Variants in UTP6 observed in about 807,000 individuals in gnomAD.
The protein encoded by UTP6 is U3 small nucleolar RNA-associated protein 6 homolog.
In UTP6, 60 loss-of-function variants were observed where a neutral mutation model predicts 96.5. That is an observed-to-expected ratio of 0.62 (90% CI 0.51 to 0.77). UTP6 has a LOEUF of 0.77. Ranked by LOEUF, UTP6 falls within the 30% of genes least tolerant of loss-of-function variation. The probability of loss-of-function intolerance (pLI) is 0.00; values close to 1 mark genes in which losing one functional copy is unlikely to be tolerated. For missense variants in UTP6, 637 were observed against 706.5 expected (o/e 0.90, Z 1.12); for synonymous variants, 215 against 240.1 (o/e 0.90, Z 0.96).
intron 11 of UTP6, chr17:31,880,222 C>G: frequency 4.0e-6 from 1 of 248,506 alleles, no homozygotes; most frequent in South Asian, 5.3e-5. Context: ...GAGTTCGAGA[C>G]CAGTCTGGGC....
At chr17:31,874,115 G>T in intron 14 of UTP6, 1 of 220,948 alleles carries the variant, frequency 4.5e-6, no homozygotes, top group Non-Finnish European at 8.8e-6. Flanking sequence ...TTTTAGTTAA[G>T]TAAGTAATTA....
At chr17:31,863,610 T>A in intron 18 of UTP6, 94 bp from the exon 19 acceptor site, 1 of 1,083,964 alleles carries the variant, frequency 9.2e-7, no homozygotes. Flanking sequence ...CTAAGAAACT[T>A]AACTTCTCAT....
rs1287759986 is a variant in UTP6 at position 31,865,452 on chromosome 17, A to G, written c.1564-14T>C. 1 of 1,612,204 alleles carries G rather than the reference A, an allele frequency of 6.2e-7. No homozygotes were observed. Among genetic ancestry groups the G allele is most frequent in the Admixed American group, 1.7e-5 (1 of 60,006 alleles). The stretch of plus-strand genomic sequence containing the variant: ...ATTGCAGGATTCCTGACAAAGATAG[A>G]CAATCTTGTCTCAAAAGCCTGATTT... On this transcript the variant is annotated splice_polypyrimidine_tract_variant and intron_variant, in intron 17 of 18. Coordinates refer to ENST00000261708, the MANE Select transcript of UTP6 (RefSeq NM_018428.3).
intron 2 of UTP6, 27 bp downstream of exon 2, chr17:31,899,619 G>A (rs942040719): frequency 6.5e-7 from 1 of 1,538,172 alleles, no homozygotes; most frequent in South Asian, 1.2e-5. Context: ...AAGAAAAAAA[G>A]AAAGAAATTA....
At chr17:31,875,980 C>T (rs762825466) in intron 13 of UTP6, among the ~76,000 whole-genome samples, 8 of 152,028 alleles carry the variant, frequency 5.3e-5, no homozygotes, top group African/African-American at 9.7e-5. Context: ...ACAGGGAAGA[C>T]GTAAAAACCA....
rs754180295 is a variant in UTP6 at position 31,873,402 on chromosome 17, T to C, written c.1472A>G (p.Lys491Arg). 2 of 1,614,226 alleles carry C rather than the reference T, an allele frequency of 1.2e-6. No individual in the cohort carries two copies. The highest frequency in any genetic ancestry group is 2.2e-5 in the South Asian group (2 of 91,088). Residue 491 changes from lysine to arginine, a missense_variant, in exon 16 of 19, where the codon AAA becomes AGA. Physicochemically the swap from Lys to Arg is conservative, Grantham distance 26. Coordinates refer to ENST00000261708, the MANE Select transcript of UTP6 (RefSeq NM_018428.3). ...LDWAYRSGGY[K>R]KARAVFKSLQ... ...CCTTTTAAACACAGCTCTGGCCTTT[T>C]TGTAGCCACCACTTCGATAAGCCCA...
At chr17:31,868,317 G>GT (rs1236236296) in intron 16 of UTP6, among the ~76,000 whole-genome samples, 1 of 86,058 alleles carries the variant, frequency 1.2e-5, no homozygotes, top group Non-Finnish European at 2.4e-5. Flanking sequence ...CCAGTTCTTA[G>GT]TTTTTTGGTT....
intron 16 of UTP6, among the ~76,000 whole-genome samples, chr17:31,871,612 C>T (rs544158068): frequency 7.4e-4 from 112 of 152,080 alleles, no homozygotes; most frequent in African/African-American, 2.6e-3. Context: ...AGCGGGGCAT[C>T]GCCAGGCATG....
At position 31,875,402 on chromosome 17, in the gene UTP6, C is replaced by G; in HGVS notation, c.1137G>C (p.Leu379Phe). ...ECQYKQLSVS[L>F]LCYNFLREAL... ...CTTCCCTCAGGAAGTTATAACACAG[C>G]AACGAAACACTCTAGACAAGATGAA... The change falls in exon 14 of 19, where the codon TTG (leucine) becomes TTC (phenylalanine). Residue 379 changes from leucine (L) to phenylalanine (F), a missense_variant. Coordinates refer to ENST00000261708, the MANE Select transcript of UTP6 (RefSeq NM_018428.3). 1 of 1,613,926 alleles carries G rather than the reference C, an allele frequency of 6.2e-7. No individual in the cohort carries two copies. Among genetic ancestry groups the G allele is most frequent in the Non-Finnish European group, 8.5e-7 (1 of 1,179,934 alleles).
At chr17:31,896,284 A>T (rs147433848) in intron 2 of UTP6, among the ~76,000 whole-genome samples, 30 of 151,602 alleles carry the variant, frequency 2.0e-4, no homozygotes, top group African/African-American at 7.0e-4. Context: ...CACCATGTTG[A>T]CCAGGCTGAT....
At chr17:31,885,466 GA>G (rs1170520385) in intron 9 of UTP6, among the ~76,000 whole-genome samples, 3 of 149,358 alleles carry the variant, frequency 2.0e-5, no homozygotes, top group Non-Finnish European at 3.0e-5. Context: ...AAATTTAAGG[GA>G]AAAAAATGGG....
intron 14 of UTP6, among the ~76,000 whole-genome samples, chr17:31,874,608 G>T (rs1046922624): frequency 1.3e-5 from 2 of 151,600 alleles, no homozygotes; most frequent in African/African-American, 2.4e-5. Context: ...TCTGGAATAC[G>T]TTTTACCTAC....
chr17:31,875,157 G>A, intron 14 of UTP6, 77 bp downstream of exon 14: 2 of 1,555,426 alleles, frequency 1.3e-6, no homozygotes, highest in Admixed American at 1.8e-5. Context: ...CAATAGACAA[G>A]TACATTCCAA....
At chr17:31,874,608 G>A (rs1046922624) in intron 14 of UTP6, among the ~76,000 whole-genome samples, 2 of 151,600 alleles carry the variant, frequency 1.3e-5, no homozygotes, top group South Asian at 2.1e-4. Flanking sequence ...TCTGGAATAC[G>A]TTTTACCTAC....
chr17:31,862,449 G>T lies in UTP6; in HGVS notation c.*910C>A, dbSNP rs1909591002. 6.6e-6 allele frequency: 1 copy of T among 152,150 alleles called. No homozygotes were observed. Among genetic ancestry groups the T allele is most frequent in the Non-Finnish European group, 1.5e-5 (1 of 68,032 alleles). The allele number at this position is 152,150 out of a possible 1,614,324, so 9.4% of individuals were successfully genotyped here. On this transcript the variant is annotated 3_prime_UTR_variant, in exon 19 of 19. Coordinates refer to ENST00000261708, the MANE Select transcript of UTP6 (RefSeq NM_018428.3). ...AACGTAACAATAAGCTACACTGAAA[G>T]CTTCTCCCAGTGACAGGATGCTTTT...
chr17:31,877,196 T>C (rs963067269), intron 13 of UTP6, among the ~76,000 whole-genome samples: 1 of 152,152 alleles, frequency 6.6e-6, no homozygotes, highest in Non-Finnish European at 1.5e-5. Context: ...AATTTGGGAC[T>C]TCTACATTAA....
rs1350428280 is a variant in UTP6, at chr17:31,894,587, AATATGT to A, written c.312+52_312+57del. The A allele has an allele frequency of 6.3e-5, 76 of 1,200,414 alleles. 1 individual carries two copies. Among genetic ancestry groups the A allele is most frequent in the Admixed American group, 6.2e-4 (29 of 46,708 alleles). 74.4% of individuals were successfully genotyped at this position (1,200,414 alleles called of 1,614,324 possible). Reference sequence around the variant, plus strand: ...AAAACTGCATTTGAATCCCTAATACAATATGTATAATACTTATCTTCACATCTCATA... The same window carrying A: ...AAAACTGCATTTGAATCCCTAATACAATAATACTTATCTTCACATCTCATA... On this transcript the variant is annotated intron_variant, in intron 4 of 18. Coordinates refer to ENST00000261708, the MANE Select transcript of UTP6 (RefSeq NM_018428.3).
At chr17:31,865,324 T>C in intron 18 of UTP6, 42 bp downstream of exon 18, 1 of 1,598,772 alleles carries the variant, frequency 6.3e-7, no homozygotes, top group Non-Finnish European at 8.6e-7. Context: ...AGAAACACTG[T>C]TCTAACCATA....
chr17:31,888,798 G>A (rs915387520), intron 7 of UTP6, among the ~76,000 whole-genome samples: 5 of 152,188 alleles, frequency 3.3e-5, no homozygotes, highest in African/African-American at 4.8e-5. Flanking sequence ...TGGGCCGGGC[G>A]CAGTGGCTCA....
Sources: gnomAD v4.1 joint callset for allele counts (sites outside exome capture counted in the v4.1 genomes callset) on GRCh38, gnomAD v4.1.1 for gene constraint, MANE v1.5 for transcripts, NCBI Gene and HGNC (gene_info 2026-07-23, HGNC 2026-07-21) for gene names.